VSIG10: variants seen among roughly 807,000 people sequenced by gnomAD.
VSIG10 encodes the protein V-set and immunoglobulin domain-containing protein 10.
Under a neutral mutation model 58.7 loss-of-function variants are expected in VSIG10, and 48 were observed. That is an observed-to-expected ratio of 0.82 (90% confidence interval 0.65 to 1.04). VSIG10 has a LOEUF of 1.04. Among genes scored for constraint, VSIG10 ranks in the 50% least tolerant of loss-of-function variants. VSIG10 has a pLI of 0.00. For missense variants in VSIG10, 628 were observed against 670.0 expected (o/e 0.94, Z 0.69); for synonymous variants, 260 against 267.1 (o/e 0.97, Z 0.26).
At chr12:118,073,396 T>G (rs1167349693) in intron 5 of VSIG10, among the ~76,000 whole-genome samples, 1 of 152,200 alleles carries the variant, frequency 6.6e-6, no homozygotes, top group Non-Finnish European at 1.5e-5. Context: ...TTCTGTATCC[T>G]CAGTGGGATG....
At chr12:118,087,549 G>A (rs1462538071) in intron 2 of VSIG10, among the ~76,000 whole-genome samples, 2 of 152,094 alleles carry the variant, frequency 1.3e-5, no homozygotes, top group Non-Finnish European at 2.9e-5. Context: ...CTTAAGAGAA[G>A]GAGGGGGCTG....
In VSIG10 at chr12:118,066,648, C is replaced by T; in HGVS notation, c.1614G>A (p.Arg538=). The change falls in exon 9 of 9, where the codon AGG becomes AGA. Residue 538 remains arginine, a synonymous_variant. Coordinates refer to ENST00000359236, the MANE Select transcript of VSIG10 (RefSeq NM_019086.6). The stretch of plus-strand genomic sequence containing the variant: ...TGGACCATCCTCTTCTTCAGACTGG[C>T]CTGTCTTCTTCTTGAACAATGTCAC... ...EQSDIVQEED[R]PV is the part of the protein sequence containing the mutation. 1 of 1,613,512 alleles carries T rather than the reference C, an allele frequency of 6.2e-7. No homozygotes were observed. Among genetic ancestry groups the T allele is most frequent in the Non-Finnish European group, 8.5e-7 (1 of 1,179,728 alleles).
chr12:118,094,885 C>T (rs1434253183), intron 2 of VSIG10, among the ~76,000 whole-genome samples: 1 of 149,714 alleles, frequency 6.7e-6, no homozygotes, highest in African/African-American at 2.5e-5. Context: ...TACAGGCGTG[C>T]GCCACCATGC....
At chr12:118,092,370 T>C (rs1169138790) in intron 2 of VSIG10, among the ~76,000 whole-genome samples, 1 of 151,964 alleles carries the variant, frequency 6.6e-6, no homozygotes, top group East Asian at 1.9e-4. Flanking sequence ...TGGCCTCCCA[T>C]GGGTATGTCT....
intron 1 of VSIG10, among the ~76,000 whole-genome samples, chr12:118,096,592 AAAG>A (rs2033466437): frequency 6.6e-6 from 1 of 150,472 alleles, no homozygotes; most frequent in Non-Finnish European, 1.5e-5. Flanking sequence ...AAAAAAAAAA[AAAG>A]CACAAAAAAT....
Position 118,082,127 on chromosome 12 carries a change from A to G in VSIG10, c.664T>C (p.Tyr222His), listed in dbSNP as rs2032975545. The G allele has an allele frequency of 1.2e-6, 2 of 1,613,278 alleles. No homozygotes were observed. Among genetic ancestry groups the G allele is most frequent in the Non-Finnish European group, 1.7e-6 (2 of 1,179,430 alleles). Residue 222 changes from tyrosine (Y) to histidine (H), a missense_variant and splice_region_variant, in exon 3 of 9, where the codon TAT becomes CAT. Coordinates refer to ENST00000359236, the MANE Select transcript of VSIG10 (RefSeq NM_019086.6). ...RKVTTELLVY[Y>H]PPPSAPQCWA... is the part of the protein sequence containing the mutation. ...GGGCAGAGGAGTGCTGCTTACGCACAGTAGACCAGGAGCTCGGTGGTCACC... is the reference window on the plus strand; with the variant it reads ...GGGCAGAGGAGTGCTGCTTACGCACGGTAGACCAGGAGCTCGGTGGTCACC...
chr12:118,092,002 C>T (rs2033313810), intron 2 of VSIG10, among the ~76,000 whole-genome samples: 2 of 152,010 alleles, frequency 1.3e-5, no homozygotes, highest in South Asian at 4.1e-4. Flanking sequence ...GTGATCTGCC[C>T]GCCTCGGCCT....
At chr12:118,068,920 C>T (rs902615794) in intron 7 of VSIG10, among the ~76,000 whole-genome samples, 5 of 152,158 alleles carry the variant, frequency 3.3e-5, no homozygotes, top group African/African-American at 1.2e-4. Context: ...TTCTGCTCTA[C>T]TTACCAAAAT....
chr12:118,068,363 G>A lies in VSIG10; in HGVS notation c.1567+14C>T, dbSNP rs2032340791. ...TTTGTTTTCTGTTTGTTTGTTTAAG[G>A]AAAAAGAGCTTACCTTGAAGATCCT... On this transcript the variant is annotated intron_variant, in intron 8 of 8. Coordinates refer to ENST00000359236, the MANE Select transcript of VSIG10 (RefSeq NM_019086.6). 8 of 1,610,740 alleles carry A rather than the reference G, an allele frequency of 5.0e-6. No homozygotes were observed. The highest frequency in any genetic ancestry group is 5.9e-6 in the Non-Finnish European group (7 of 1,178,422).
chr12:118,086,674 C>T (rs1268226865), intron 2 of VSIG10, among the ~76,000 whole-genome samples: 2 of 152,048 alleles, frequency 1.3e-5, no homozygotes, highest in South Asian at 2.1e-4. Flanking sequence ...ACGGGAGGAT[C>T]GCTTGAACCC....
chr12:118,082,840 C>T (rs1301594272), intron 2 of VSIG10, among the ~76,000 whole-genome samples: 5 of 151,486 alleles, frequency 3.3e-5, no homozygotes, highest in African/African-American at 7.3e-5. Flanking sequence ...AGGGCCAGCG[C>T]GGTGGCTCAT....
At chr12:118,085,336 A>G (rs1181257857) in intron 2 of VSIG10, among the ~76,000 whole-genome samples, 2 of 152,046 alleles carry the variant, frequency 1.3e-5, no homozygotes, top group East Asian at 3.9e-4. Context: ...CCCAAACCCA[A>G]CTGAATCCTA....
At chr12:118,088,954 T>C (rs1214330406) in intron 2 of VSIG10, among the ~76,000 whole-genome samples, 1 of 151,742 alleles carries the variant, frequency 6.6e-6, no homozygotes, top group African/African-American at 2.4e-5. Context: ...TTTCTTTTTT[T>C]TTTTTTTTTA....
intron 1 of VSIG10, chr12:118,101,965 C>T (rs1407006497): frequency 2.0e-5 from 3 of 152,140 alleles, no homozygotes; most frequent in African/African-American, 7.2e-5. Context: ...TTGTAGAGAC[C>T]GTCTCTACAA....
chr12:118,082,405 T>C lies in VSIG10; in HGVS notation c.386A>G (p.His129Arg). Reference protein sequence around the residue: ...VASGPYQIEVHIVATGTLPNG... With the variant: ...VASGPYQIEVRIVATGTLPNG... ...GGGGAGTGTGCCGGTGGCCACGATGTGGACCTCAATCTGATAGGGGCCGCC... is the reference window on the plus strand; with the variant it reads ...GGGGAGTGTGCCGGTGGCCACGATGCGGACCTCAATCTGATAGGGGCCGCC... Residue 129 changes from histidine (H) to arginine (R), a missense_variant, in exon 3 of 9, where the codon CAC (histidine) becomes CGC (arginine). By Grantham distance (29) the His-to-Arg change is conservative (BLOSUM62 0). Transcript: ENST00000359236. The C allele has an allele frequency of 6.2e-7, 1 of 1,612,306 alleles. No individual in the cohort carries two copies. The highest frequency in any genetic ancestry group is 8.5e-7 in the Non-Finnish European group (1 of 1,178,712).
chr12:118,070,830 G>A, intron 7 of VSIG10: 1 of 592,044 alleles, frequency 1.7e-6, no homozygotes, highest in South Asian at 2.2e-5. Flanking sequence ...ACTTCACTGA[G>A]CCTCCATCCC....
At chr12:118,095,868 C>T in intron 1 of VSIG10, 54 bp from the exon 2 acceptor site, 1 of 1,542,952 alleles carries the variant, frequency 6.5e-7, no homozygotes, top group Non-Finnish European at 8.8e-7. Flanking sequence ...TAAACAATGT[C>T]CCTTTTTGGA....
rs1450105144 is a variant in VSIG10 at position 118,065,515 on chromosome 12, G to C, written c.*1124C>G. ...TGCTTAGTTTAGTTCCTTCATCCAA[G>C]AAAACAGACCTTCCCCAACCACACC... On this transcript the variant is annotated 3_prime_UTR_variant, in exon 9 of 9. Transcript: ENST00000359236. The C allele has an allele frequency of 6.6e-6, 1 of 152,134 alleles. No homozygotes were observed. Among genetic ancestry groups the C allele is most frequent in the Admixed American group, 6.5e-5 (1 of 15,272 alleles). 9.4% of individuals were successfully genotyped at this position (152,134 alleles called of 1,614,324 possible).
chr12:118,082,372 G>A lies in VSIG10; in HGVS notation c.419C>T (p.Thr140Ile). Residue 140 changes from threonine (T) to isoleucine (I), a missense_variant, in exon 3 of 9, where the codon ACC (threonine) becomes ATC (isoleucine). Physicochemically the swap from Thr to Ile is moderately conservative, Grantham distance 89 (BLOSUM62 -1). Coordinates refer to ENST00000359236, the MANE Select transcript of VSIG10 (RefSeq NM_019086.6). ...IVATGTLPNG[T>I]LYAARGSQVD... ...CTGGGAGCCCCTGGCTGCGTAGAGG[G>A]TGCCGTTGGGGAGTGTGCCGGTGGC... 4 of 1,613,922 alleles carry A rather than the reference G, an allele frequency of 2.5e-6. No homozygotes were observed. The highest frequency in any genetic ancestry group is 2.5e-6 in the Non-Finnish European group (3 of 1,179,876).
Sources: gnomAD v4.1 joint callset for allele counts (sites outside exome capture counted in the v4.1 genomes callset) on GRCh38, gnomAD v4.1.1 for gene constraint, MANE v1.5 for transcripts, NCBI Gene and HGNC (gene_info 2026-07-23, HGNC 2026-07-21) for gene names.